The following TBC1D5 variants were observed in gnomAD, a reference collection of about 807,000 sequenced individuals.
TBC1D5 encodes TBC1 domain family, member 5.
Under a neutral mutation model 100.3 loss-of-function variants are expected in TBC1D5, and 75 were observed. That is an observed-to-expected ratio of 0.75 (90% CI 0.62 to 0.91). TBC1D5 has a LOEUF of 0.91. TBC1D5 is among the 40% of genes least tolerant of loss of function. The probability of loss-of-function intolerance (pLI) is 0.00; values close to 1 mark genes in which losing one functional copy is unlikely to be tolerated. For missense variants in TBC1D5, 910 were observed against 942.4 expected (o/e 0.97, Z 0.45); for synonymous variants, 323 against 325.6 (o/e 0.99, Z 0.09).
At chr3:17,330,161 G>A (rs2086695008) in intron 13 of TBC1D5, among the ~76,000 whole-genome samples, 1 of 151,862 alleles carries the variant, frequency 6.6e-6, no homozygotes, top group African/African-American at 2.4e-5. Flanking sequence ...CATCTACCAG[G>A]CCCTTCCTCC....
chr3:17,574,683 G>T (rs140533541), intron 2 of TBC1D5, among the ~76,000 whole-genome samples: 2 of 151,984 alleles, frequency 1.3e-5, no homozygotes, highest in African/African-American at 4.8e-5. Context: ...ATCTATCTCC[G>T]CAAGTATAAG....
intron 2 of TBC1D5, among the ~76,000 whole-genome samples, chr3:17,534,122 T>G (rs991068651): frequency 5.9e-5 from 9 of 152,162 alleles, no homozygotes; most frequent in African/African-American, 2.2e-4. Context: ...TCACCCATTT[T>G]TATGGAAATG....
intron 3 of TBC1D5, among the ~76,000 whole-genome samples, chr3:17,505,328 TCTCTTA>T (rs1005148397): frequency 1.3e-5 from 2 of 152,026 alleles, no homozygotes; most frequent in Non-Finnish European, 2.9e-5. Context: ...TCCCACCATC[TCTCTTA>T]CTCCTGAGAT....
At chr3:17,343,741 T>C (rs570208705) in intron 13 of TBC1D5, among the ~76,000 whole-genome samples, 1 of 152,224 alleles carries the variant, frequency 6.6e-6, no homozygotes, top group African/African-American at 2.4e-5. Flanking sequence ...CTAGATTTTC[T>C]AGTTTATTTG....
chr3:17,588,403 T>C (rs2096746088), intron 2 of TBC1D5, among the ~76,000 whole-genome samples: 1 of 152,144 alleles, frequency 6.6e-6, no homozygotes, highest in African/African-American at 2.4e-5. Context: ...GATATACCAA[T>C]TCTTTTTCTA....
intron 3 of TBC1D5, among the ~76,000 whole-genome samples, chr3:17,503,518 C>T (rs1474078237): frequency 1.3e-5 from 2 of 149,450 alleles, no homozygotes; most frequent in Non-Finnish European, 1.5e-5. Context: ...GCCTAGTACA[C>T]GCAAGGCACT....
intron 13 of TBC1D5, among the ~76,000 whole-genome samples, chr3:17,355,411 C>A (rs1182840080): frequency 1.3e-5 from 2 of 152,130 alleles, no homozygotes; most frequent in Non-Finnish European, 2.9e-5. Flanking sequence ...TCAGAAAATT[C>A]ATTCAAGTAT....
At chr3:17,333,377 A>G (rs2087165192) in intron 13 of TBC1D5, 1 of 152,332 alleles carries the variant, frequency 6.6e-6, no homozygotes, top group Admixed American at 6.5e-5. Context: ...GCATCATGAG[A>G]ACAAACCAGT....
intron 1 of TBC1D5, among the ~76,000 whole-genome samples, chr3:17,723,186 T>C (rs1408154080): frequency 1.3e-5 from 2 of 152,186 alleles, no homozygotes; most frequent in Non-Finnish European, 2.9e-5. Context: ...AATTTGATTG[T>C]TTGTAATACA....
intron 2 of TBC1D5, among the ~76,000 whole-genome samples, chr3:17,583,754 A>C (rs2096715217): frequency 6.6e-6 from 1 of 152,184 alleles, no homozygotes; most frequent in Non-Finnish European, 1.5e-5. Flanking sequence ...TACACTGCTG[A>C]CAGGAATGTA....
At chr3:17,402,205 T>C (rs959790552) in intron 8 of TBC1D5, among the ~76,000 whole-genome samples, 1 of 152,156 alleles carries the variant, frequency 6.6e-6, no homozygotes, top group African/African-American at 2.4e-5. Context: ...GTTCATGTCA[T>C]CTTATTATTC....
chr3:17,249,800 G>C (rs1283999018), intron 16 of TBC1D5, among the ~76,000 whole-genome samples: 2 of 151,796 alleles, frequency 1.3e-5, no homozygotes, highest in African/African-American at 2.4e-5. Flanking sequence ...GATGAGGAAA[G>C]AACCAGTTGG....
chr3:17,493,991 T>C (rs1212063284), intron 3 of TBC1D5, among the ~76,000 whole-genome samples: 1 of 152,234 alleles, frequency 6.6e-6, no homozygotes, highest in Non-Finnish European at 1.5e-5. Context: ...TACAATCACT[T>C]GGAAAAGAGG....
exon 22 of TBC1D5, chr3:17,160,438 C>G (rs151236622): frequency 1.3e-5 from 2 of 154,008 alleles, no homozygotes; most frequent in Admixed American, 6.4e-5. Context: ...TTGCATTTAG[C>G]TCTGCGATAT....
chr3:17,294,171 G>A (rs1200031159), intron 14 of TBC1D5, among the ~76,000 whole-genome samples: 4 of 152,014 alleles, frequency 2.6e-5, no homozygotes, highest in Non-Finnish European at 4.4e-5. Context: ...CCAATCTCCA[G>A]AAAAGCTTGA....
intron 1 of TBC1D5, among the ~76,000 whole-genome samples, chr3:17,634,256 AAG>A (rs1027277422): frequency 6.6e-6 from 1 of 152,190 alleles, no homozygotes; most frequent in Non-Finnish European, 1.5e-5. Flanking sequence ...CAGTATATCA[AAG>A]AGGTATCTGC....
At chr3:17,494,562 G>A (rs989846368) in intron 3 of TBC1D5, among the ~76,000 whole-genome samples, 2 of 152,032 alleles carry the variant, frequency 1.3e-5, no homozygotes, top group African/African-American at 4.8e-5. Flanking sequence ...CTCCCACCAG[G>A]GGCTCCCCAG....
intron 13 of TBC1D5, among the ~76,000 whole-genome samples, chr3:17,369,152 T>C (rs545011975): frequency 6.6e-6 from 1 of 152,256 alleles, no homozygotes; most frequent in Non-Finnish European, 1.5e-5. Context: ...TTCTATAGCA[T>C]CACTTTAGAA....
At chr3:17,336,381 C>G (rs2151283143) in intron 13 of TBC1D5, among the ~76,000 whole-genome samples, 1 of 152,076 alleles carries the variant, frequency 6.6e-6, no homozygotes, top group African/African-American at 2.4e-5. Context: ...AATAAGAAAA[C>G]AACTAAACGG....
Sources: allele counts gnomAD v4.1 joint callset (sites outside exome capture counted in the v4.1 genomes callset), GRCh38; gene constraint gnomAD v4.1.1; transcripts MANE v1.5; gene names NCBI Gene and HGNC (gene_info 2026-07-23, HGNC 2026-07-21).